Variants in SCNN1B observed in about 807,000 individuals in gnomAD.
The protein encoded by SCNN1B is epithelial sodium channel subunit beta.
SCNN1B carries 46 observed loss-of-function variants against 65.3 expected under a neutral mutation model. The observed-to-expected ratio is 0.70, with a 90% CI of 0.56 to 0.90. The LOEUF (loss-of-function observed/expected upper bound fraction) is 0.90. Among genes scored for constraint, SCNN1B ranks in the 40% least tolerant of loss-of-function variants. The pLI, the probability that SCNN1B is intolerant of heterozygous loss-of-function variation, is 0.00. For synonymous variants in SCNN1B, 349 were observed against 330.6 expected (o/e 1.06, Z -0.60); for missense variants, 751 against 830.5 (o/e 0.90, Z 1.18).
chr16:23,304,352 G>A (rs1187373492), intron 1 of SCNN1B, among the ~76,000 whole-genome samples: 1 of 152,132 alleles, frequency 6.6e-6, no homozygotes, highest in African/African-American at 2.4e-5. Flanking sequence ...AAGTGTACAT[G>A]CATGCATACA....
chr16:23,332,073 G>C (rs549914396), intron 1 of SCNN1B, among the ~76,000 whole-genome samples: 142 of 152,214 alleles, frequency 9.3e-4, no homozygotes, highest in Non-Finnish European at 1.9e-4. Flanking sequence ...CTATTGCCCA[G>C]GCTAGATTGC....
intron 1 of SCNN1B, among the ~76,000 whole-genome samples, chr16:23,346,121 C>T (rs989790005): frequency 6.6e-6 from 1 of 151,714 alleles, no homozygotes; most frequent in African/African-American, 2.4e-5. Flanking sequence ...ATCCATGACC[C>T]ATACTCTCCA....
At chr16:23,325,848 T>C (rs1038269307) in intron 1 of SCNN1B, among the ~76,000 whole-genome samples, 14 of 151,624 alleles carry the variant, frequency 9.2e-5, no homozygotes, top group Non-Finnish European at 8.8e-5. Context: ...AGACCATGAG[T>C]TTGAGACCAG....
At chr16:23,339,359 C>T (rs1382435279) in intron 1 of SCNN1B, among the ~76,000 whole-genome samples, 1 of 151,450 alleles carries the variant, frequency 6.6e-6, no homozygotes, top group Non-Finnish European at 1.5e-5. Flanking sequence ...GTATGTTTTT[C>T]TCCTGGATAA....
At chr16:23,327,290 G>T (rs1453209905) in intron 1 of SCNN1B, among the ~76,000 whole-genome samples, 1 of 151,904 alleles carries the variant, frequency 6.6e-6, no homozygotes, top group African/African-American at 2.4e-5. Flanking sequence ...CCAGCACTTT[G>T]GGAGGCCAAG....
At chr16:23,292,186 TTC>T (rs1232636954) in intron 2 of SCNN1B, among the ~76,000 whole-genome samples, 3 of 150,596 alleles carry the variant, frequency 2.0e-5, no homozygotes, top group African/African-American at 7.3e-5. Flanking sequence ...TTTATTTTAT[TTC>T]TTTCTTTATT....
rs1596835735 is a variant in SCNN1B at position 23,323,648 on chromosome 16, C to A, written c.-9+21211C>A. 6 of 701,474 alleles carry A rather than the reference C, an allele frequency of 8.6e-6. No individual in the cohort carries two copies. The East Asian group carries it at 1.6e-4, about 19-fold the overall frequency. 43.5% of individuals were successfully genotyped at this position (701,474 alleles called of 1,614,324 possible). A position where few individuals can be genotyped will look rare whatever the true frequency, so the allele number is the denominator to read the frequency against. On this transcript the variant is annotated intron_variant, in intron 1 of 12. Transcript: ENST00000343070. ...TGGGGTTTGAACCCAACTTCTTAACCACTACCCCATTGTAAAGGAAAGTGC... is the reference window on the plus strand; with the variant it reads ...TGGGGTTTGAACCCAACTTCTTAACAACTACCCCATTGTAAAGGAAAGTGC...
chr16:23,312,166 C>T (rs1295339722), intron 1 of SCNN1B, among the ~76,000 whole-genome samples: 1 of 152,134 alleles, frequency 6.6e-6, no homozygotes, highest in African/African-American at 2.4e-5. Flanking sequence ...GACAGGGTCT[C>T]ACTATATTGC....
chr16:23,355,508 C>T lies in SCNN1B; in HGVS notation c.776+19C>T, dbSNP rs1962401344. The T allele has an allele frequency of 6.2e-7, 1 of 1,613,212 alleles. No homozygotes were observed. Among genetic ancestry groups the T allele is most frequent in the Middle Eastern group, 1.7e-4 (1 of 6,050 alleles). On this transcript the variant is annotated intron_variant, in intron 4 of 12. Coordinates refer to ENST00000343070, the MANE Select transcript of SCNN1B (RefSeq NM_000336.3). ...ACTACCGGTGAGAGCCACCCCAAGC[C>T]CACCCGGCCAGGCCCTGGCACCGAG...
chr16:23,361,871 G>C (rs1220107891), intron 4 of SCNN1B, among the ~76,000 whole-genome samples: 1 of 151,910 alleles, frequency 6.6e-6, no homozygotes, highest in East Asian at 1.9e-4. Context: ...ACACAATCGC[G>C]TGCCCGATTA....
At chr16:23,281,456 G>T (rs61660949) in intron 1 of SCNN1B, among the ~76,000 whole-genome samples, 1 of 151,898 alleles carries the variant, frequency 6.6e-6, no homozygotes, top group South Asian at 2.1e-4. Context: ...AAACAAAAAC[G>T]ATGGAATAAG....
In SCNN1B at chr16:23,355,231, C is replaced by T. The variant is rs1962393025; in HGVS notation, c.586-68C>T. 9 of 1,515,252 alleles carry T rather than the reference C, an allele frequency of 5.9e-6. No homozygotes were observed. The Admixed American group carries it at 8.4e-5, about 14-fold the overall frequency. 93.9% of individuals were successfully genotyped at this position (1,515,252 alleles called of 1,614,324 possible). On this transcript the variant is annotated intron_variant, in intron 3 of 12. Coordinates refer to ENST00000343070, the MANE Select transcript of SCNN1B (RefSeq NM_000336.3). ...ACAGCTCTTGCCCTGCTAGGGCCCT[C>T]GAGCAGTGGCTGGGGTCCTGCTAGC...
chr16:23,281,248 C>T (rs544535007), intron 1 of SCNN1B, among the ~76,000 whole-genome samples: 5 of 152,300 alleles, frequency 3.3e-5, no homozygotes, highest in African/African-American at 9.6e-5. Context: ...GCCTGGCCAA[C>T]ATGGTGAAAC....
At chr16:23,283,774 A>T (rs1297011624) in exon 2 of SCNN1B, 1 of 152,204 alleles carries the variant, frequency 6.6e-6, no homozygotes, top group African/African-American at 2.4e-5. Context: ...GCAATCCTGG[A>T]CTCAGCAACA....
At chr16:23,365,794 T>C (rs961447832) in intron 4 of SCNN1B, among the ~76,000 whole-genome samples, 1 of 152,200 alleles carries the variant, frequency 6.6e-6, no homozygotes, top group Non-Finnish European at 1.5e-5. Flanking sequence ...TTCTTCCTGC[T>C]TCCCCTTGCA....
Position 23,374,573 on chromosome 16 carries a change from C to CAAA in SCNN1B, c.1153-1142_1153-1140dup, listed in dbSNP as rs1168924579. On this transcript the variant is annotated intron_variant, in intron 7 of 12. Coordinates refer to ENST00000343070, the MANE Select transcript of SCNN1B (RefSeq NM_000336.3). ...TGAGCAACAGAGCAAGACTCCATCT[C>CAAA]AAAAAAAAAAAAAAAAAAAAAAAAA... 8.7e-4 allele frequency among the ~76,000 whole-genome samples: 42 copies of CAAA among 48,206 alleles called. 1 individual carries two copies. The highest frequency in any genetic ancestry group is 1.4e-3 in the Non-Finnish European group (32 of 23,670). The allele number at this position is 48,206 out of a possible 152,430, so 31.6% of individuals were successfully genotyped here.
chr16:23,281,673 A>C (rs1024569468), intron 1 of SCNN1B, among the ~76,000 whole-genome samples: 20 of 152,176 alleles, frequency 1.3e-4, no homozygotes, highest in African/African-American at 4.3e-4. Flanking sequence ...CAGAGGAGGA[A>C]GTTTCTGACA....
chr16:23,320,332 GTGATGC>G (rs1961561163), intron 1 of SCNN1B, among the ~76,000 whole-genome samples: 1 of 152,198 alleles, frequency 6.6e-6, no homozygotes, highest in Non-Finnish European at 1.5e-5. Flanking sequence ...AAGCTCTCGG[GTGATGC>G]TGTTTCAGCC....
chr16:23,354,356 C>T (rs2142021516), intron 3 of SCNN1B, among the ~76,000 whole-genome samples: 1 of 152,366 alleles, frequency 6.6e-6, no homozygotes, highest in East Asian at 1.9e-4. Context: ...AGTGGGCTGG[C>T]CGGGCGTGTT....
Sources: gnomAD v4.1 joint callset for allele counts (sites outside exome capture counted in the v4.1 genomes callset) on GRCh38, gnomAD v4.1.1 for gene constraint, MANE v1.5 for transcripts, NCBI Gene and HGNC (gene_info 2026-07-23, HGNC 2026-07-21) for gene names.